Variants in INPP5B observed in about 807,000 individuals in gnomAD.
The protein encoded by INPP5B is inositol polyphosphate-5-phosphatase B.
A neutral mutation model predicts 118.5 loss-of-function variants in INPP5B; 90 were observed. The observed-to-expected ratio is 0.76, with a 90% CI of 0.64 to 0.90. The LOEUF is 0.90. INPP5B is among the 40% of genes least tolerant of loss of function. The pLI is 0.00. For synonymous variants in INPP5B, 385 were observed against 418.9 expected (o/e 0.92, Z 0.99); for missense variants, 984 against 1,125.6 (o/e 0.87, Z 1.80).
At chr1:37,876,552 TA>T (rs34854182) in intron 16 of INPP5B, among the ~76,000 whole-genome samples, 10,307 of 54,106 alleles carry the variant, frequency 0.19, 511 homozygotes, top group Non-Finnish European at 0.22. Flanking sequence ...GCTGTCTCTT[TA>T]AAAAAAAAAA....
rs1439893528 is a variant in INPP5B, at chr1:37,878,328, A to C, written c.1542-5T>G. The C allele has an allele frequency of 1.2e-6, 2 of 1,613,794 alleles. No individual in the cohort carries two copies. The highest frequency in any genetic ancestry group is 1.7e-6 in the Non-Finnish European group (2 of 1,179,790). Reference sequence around the variant, plus strand: ...GCAGGAGCACGGCACTTCTCACTGAAATGCAAAGTCCACACTGGAAGTACT... The same window carrying C: ...GCAGGAGCACGGCACTTCTCACTGACATGCAAAGTCCACACTGGAAGTACT... On this transcript the variant is annotated splice_polypyrimidine_tract_variant and splice_region_variant and intron_variant, in intron 15 of 23. Transcript: ENST00000373024.
intron 8 of INPP5B, among the ~76,000 whole-genome samples, chr1:37,891,139 A>G (rs1025837867): frequency 1.3e-5 from 2 of 151,800 alleles, no homozygotes; most frequent in Non-Finnish European, 2.9e-5. Context: ...AGGCAGGAGA[A>G]TCACTTGAAC....
chr1:37,864,050 G>C (rs1224467248), intron 23 of INPP5B, among the ~76,000 whole-genome samples: 1 of 151,810 alleles, frequency 6.6e-6, no homozygotes, highest in Non-Finnish European at 1.5e-5. Context: ...CCTGACCTCA[G>C]GTGATCCGTC....
chr1:37,922,088 G>A (rs1204497811), intron 7 of INPP5B, among the ~76,000 whole-genome samples: 2 of 152,078 alleles, frequency 1.3e-5, no homozygotes, highest in African/African-American at 4.8e-5. Context: ...TGTAGTCCTG[G>A]CTACGTAGGA....
chr1:37,900,042 G>C (rs951520931), intron 7 of INPP5B, among the ~76,000 whole-genome samples: 1 of 149,786 alleles, frequency 6.7e-6, no homozygotes, highest in Non-Finnish European at 1.5e-5. Flanking sequence ...AGTTTGTCTG[G>C]TGTTCCCACA....
chr1:37,916,345 C>T (rs1342213810), intron 7 of INPP5B, among the ~76,000 whole-genome samples: 3 of 151,776 alleles, frequency 2.0e-5, no homozygotes, highest in East Asian at 3.9e-4. Flanking sequence ...CCGCCCACCT[C>T]GACCTCCCAA....
intron 7 of INPP5B, among the ~76,000 whole-genome samples, chr1:37,896,627 G>A (rs1363678599): frequency 2.9e-5 from 4 of 137,322 alleles, no homozygotes; most frequent in Admixed American, 7.1e-5. Context: ...CCGGCCAGCC[G>A]CCCCGTCCGG....
intron 7 of INPP5B, among the ~76,000 whole-genome samples, chr1:37,909,650 G>A (rs1644619172): frequency 6.6e-6 from 1 of 152,034 alleles, no homozygotes; most frequent in Non-Finnish European, 1.5e-5. Context: ...AGACCCAGAG[G>A]GGCCAGAAGG....
intron 14 of INPP5B, among the ~76,000 whole-genome samples, chr1:37,880,460 C>T (rs1167154399): frequency 6.7e-5 from 9 of 133,520 alleles, no homozygotes; most frequent in Middle Eastern, 3.6e-3. Flanking sequence ...TATTTTGAGA[C>T]GGAGTCTCGC....
intron 22 of INPP5B, 84 bp downstream of exon 22, chr1:37,865,677 G>A: frequency 6.8e-7 from 1 of 1,465,572 alleles, no homozygotes; most frequent in Non-Finnish European, 9.4e-7. Flanking sequence ...CTGAGATGCT[G>A]CACTTGAGGA....
In INPP5B at chr1:37,880,113, C is replaced by G. The variant is rs751311651; in HGVS notation, c.1513G>C (p.Asp505His). The change falls in exon 15 of 24, where the codon GAT (aspartate) becomes CAT (histidine). Residue 505 changes from aspartate to histidine, a missense_variant. Coordinates refer to ENST00000373024, the MANE Select transcript of INPP5B (RefSeq NM_005540.3). Reference sequence around the variant, plus strand: ...GTATCCCAGTCGTCAGAGCCCGTATCATACTTGTAAGTAGGCTGGAATGTG... The same window carrying G: ...GTATCCCAGTCGTCAGAGCCCGTATGATACTTGTAAGTAGGCTGGAATGTG... ...ELTFQPTYKYDTGSDDWDTSE... is the reference protein window; with the variant it reads ...ELTFQPTYKYHTGSDDWDTSE... The G allele has an allele frequency of 1.2e-6, 2 of 1,611,118 alleles. No individual in the cohort carries two copies. Among genetic ancestry groups the G allele is most frequent in the Admixed American group, 3.3e-5 (2 of 59,962 alleles).
chr1:37,891,582 C>T (rs1429121395), intron 7 of INPP5B, 128 bp from the exon 8 acceptor site: 1 of 602,820 alleles, frequency 1.7e-6, no homozygotes, highest in Admixed American at 2.7e-5. Flanking sequence ...CGAGACCAGC[C>T]TGACCAACAT....
intron 20 of INPP5B, 54 bp downstream of exon 20, chr1:37,868,447 G>T: frequency 8.5e-7 from 1 of 1,171,174 alleles, no homozygotes; most frequent in Non-Finnish European, 1.3e-6. Context: ...TGGGGCTGAT[G>T]GTCCTCAAGG....
intron 6 of INPP5B, among the ~76,000 whole-genome samples, 157 bp downstream of exon 6, chr1:37,940,531 T>A (rs1645872886): frequency 6.6e-6 from 1 of 152,150 alleles, no homozygotes; most frequent in South Asian, 2.1e-4. Context: ...ACACCATGGT[T>A]GGCTGGCAGC....
intron 7 of INPP5B, among the ~76,000 whole-genome samples, chr1:37,898,971 C>T (rs1336124628): frequency 2.0e-5 from 3 of 151,778 alleles, no homozygotes; most frequent in Non-Finnish European, 2.9e-5. Flanking sequence ...CCCCTGAGGT[C>T]GGGAGGTCGA....
At chr1:37,895,702 A>G (rs961145451) in intron 7 of INPP5B, among the ~76,000 whole-genome samples, 5 of 151,948 alleles carry the variant, frequency 3.3e-5, no homozygotes, top group African/African-American at 1.2e-4. Context: ...TTTGGTGGAG[A>G]CGGGGATTCG....
chr1:37,909,915 G>A (rs960343183), intron 7 of INPP5B, among the ~76,000 whole-genome samples: 3 of 152,168 alleles, frequency 2.0e-5, no homozygotes, highest in African/African-American at 7.2e-5. Context: ...GCCTCCCCAG[G>A]ATCTTGCTTC....
intron 23 of INPP5B, among the ~76,000 whole-genome samples, chr1:37,863,452 A>T (rs992436498): frequency 1.3e-5 from 2 of 151,818 alleles, no homozygotes; most frequent in African/African-American, 2.4e-5. Flanking sequence ...GTGGCGGAGG[A>T]TGCAGTGAGC....
intron 19 of INPP5B, among the ~76,000 whole-genome samples, chr1:37,871,546 T>C (rs1352634700): frequency 6.6e-6 from 1 of 152,042 alleles, no homozygotes; most frequent in Non-Finnish European, 1.5e-5. Flanking sequence ...GGCGGGCAGA[T>C]CACGTGAGGT....
Sources: allele counts gnomAD v4.1 joint callset (sites outside exome capture counted in the v4.1 genomes callset), GRCh38; gene constraint gnomAD v4.1.1; transcripts MANE v1.5; gene names NCBI Gene and HGNC (gene_info 2026-07-23, HGNC 2026-07-21).